NMNAT3: variants seen among roughly 807,000 people sequenced by gnomAD.
NMNAT3 encodes nicotinamide nucleotide adenylyltransferase 3, also known as nicotinamide/nicotinic acid mononucleotide adenylyltransferase 3.
In NMNAT3, 21 loss-of-function variants were observed where a neutral mutation model predicts 24.8. The ratio of observed to expected loss-of-function variants is 0.85; its 90% confidence interval spans 0.60 to 1.22. The LOEUF (loss-of-function observed/expected upper bound fraction) is 1.22. NMNAT3 is among the 50% of genes most tolerant of loss of function. NMNAT3 has a pLI of 0.00. For synonymous variants in NMNAT3, 136 were observed against 155.2 expected, an observed-to-expected ratio of 0.88 and a Z score of 0.92; for missense variants, 387 against 436.6, an observed-to-expected ratio of 0.89 and a Z score of 1.01.
intron 3 of NMNAT3, among the ~76,000 whole-genome samples, chr3:139,625,574 T>G (rs2056014918): frequency 6.6e-6 from 1 of 152,198 alleles, no homozygotes; most frequent in Non-Finnish European, 1.5e-5. Flanking sequence ...TTATGTATAC[T>G]TCCCTTTTAC....
At chr3:139,664,099 C>T (rs1415498666) in intron 1 of NMNAT3, among the ~76,000 whole-genome samples, 1 of 152,118 alleles carries the variant, frequency 6.6e-6, no homozygotes. Context: ...GTTGAGAGTT[C>T]CCAAACCAAG....
intron 3 of NMNAT3, among the ~76,000 whole-genome samples, chr3:139,585,603 A>G (rs1471178962): frequency 6.6e-6 from 1 of 152,210 alleles, no homozygotes; most frequent in East Asian, 1.9e-4. Context: ...TATTCCAGAG[A>G]CACTTCATAT....
At chr3:139,596,964 A>ATTT (rs3028156) in intron 3 of NMNAT3, among the ~76,000 whole-genome samples, 3 of 108,558 alleles carry the variant, frequency 2.8e-5, no homozygotes, top group East Asian at 2.4e-4. Context: ...ATATATATAT[A>ATTT]TTTTTATTAC....
chr3:139,675,163 C>CACACACACAA (rs1335255635), intron 1 of NMNAT3, among the ~76,000 whole-genome samples: 1 of 151,500 alleles, frequency 6.6e-6, no homozygotes, highest in Non-Finnish European at 1.5e-5. Context: ...CACACACACA[C>CACACACACAA]GTGCACATAT....
chr3:139,623,361 A>G (rs1250041092), intron 3 of NMNAT3, among the ~76,000 whole-genome samples: 1 of 152,184 alleles, frequency 6.6e-6, no homozygotes, highest in Admixed American at 6.5e-5. Context: ...ACATGCATGG[A>G]GCTGTCATCT....
At chr3:139,658,005 C>T (rs2057300217) in intron 1 of NMNAT3, among the ~76,000 whole-genome samples, 1 of 151,986 alleles carries the variant, frequency 6.6e-6, no homozygotes, top group South Asian at 2.1e-4. Context: ...AGTGCATGCC[C>T]CAGGAACCCC....
intron 3 of NMNAT3, among the ~76,000 whole-genome samples, chr3:139,595,536 C>T (rs2054410060): frequency 6.6e-6 from 1 of 152,224 alleles, no homozygotes; most frequent in Admixed American, 6.5e-5. Context: ...AATCTGGAGG[C>T]ATCATGCTAC....
Position 139,599,106 on chromosome 3 carries a change from T to C in NMNAT3, c.110-15898A>G, listed in dbSNP as rs1228910384. ...CACAAACCGTGAAGCAAAGACTTAA[T>C]AGCATTCCAAACTGTAAAGACTTCA... On this transcript the variant is annotated intron_variant, in intron 3 of 6. Transcript: ENST00000643695. 1.1e-5 allele frequency: 6 copies of C among 546,722 alleles called. No individual in the cohort carries two copies. The Admixed American group carries it at 2.1e-4, about 19-fold the overall frequency. The allele number at this position is 546,722 out of a possible 1,614,324, so 33.9% of individuals were successfully genotyped here.
At chr3:139,580,729 T>C (rs1176967891) in intron 4 of NMNAT3, among the ~76,000 whole-genome samples, 4 of 152,220 alleles carry the variant, frequency 2.6e-5, no homozygotes, top group African/African-American at 9.6e-5. Context: ...TTCTTCATTA[T>C]GATTTTGGCA....
At chr3:139,677,614 A>G (rs895058803) in intron 1 of NMNAT3, 91 bp downstream of exon 1, 1 of 152,182 alleles carries the variant, frequency 6.6e-6, no homozygotes, top group Non-Finnish European at 1.5e-5. Context: ...GACTCCCAGG[A>G]CTCAGTTAGG....
chr3:139,644,307 C>T (rs1470840183), intron 1 of NMNAT3, among the ~76,000 whole-genome samples: 1 of 152,128 alleles, frequency 6.6e-6, no homozygotes, highest in Non-Finnish European at 1.5e-5. Flanking sequence ...GACTGGCATG[C>T]ATCTGACCTC....
At chr3:139,663,563 C>T (rs867111824) in intron 1 of NMNAT3, among the ~76,000 whole-genome samples, 4 of 152,232 alleles carry the variant, frequency 2.6e-5, no homozygotes, top group African/African-American at 9.6e-5. Context: ...CCTAGCTCTG[C>T]TCCTGCTACT....
intron 3 of NMNAT3, among the ~76,000 whole-genome samples, chr3:139,608,808 G>A (rs1353630916): frequency 2.6e-5 from 4 of 152,002 alleles, no homozygotes; most frequent in African/African-American, 9.7e-5. Flanking sequence ...TGTAATCATC[G>A]CCACAGTCAA....
intron 3 of NMNAT3, among the ~76,000 whole-genome samples, chr3:139,604,345 C>T (rs1453996156): frequency 6.6e-6 from 1 of 152,166 alleles, no homozygotes; most frequent in Non-Finnish European, 1.5e-5. Flanking sequence ...ACTATATGCT[C>T]AAGTTTATGT....
intron 1 of NMNAT3, among the ~76,000 whole-genome samples, chr3:139,663,728 G>A (rs541941799): frequency 1.8e-4 from 27 of 152,084 alleles, no homozygotes; most frequent in Non-Finnish European, 3.1e-4. Flanking sequence ...CACATGACCC[G>A]AAGTCAGGAC....
At chr3:139,604,970 G>C (rs1243740726) in intron 3 of NMNAT3, among the ~76,000 whole-genome samples, 2 of 152,316 alleles carry the variant, frequency 1.3e-5, no homozygotes, top group East Asian at 3.9e-4. Flanking sequence ...ATGCCAGTAA[G>C]TATGCAATGA....
intron 3 of NMNAT3, among the ~76,000 whole-genome samples, chr3:139,590,649 A>C (rs1576589569): frequency 6.6e-6 from 1 of 152,136 alleles, no homozygotes; most frequent in South Asian, 2.1e-4. Context: ...TTATCTAATA[A>C]ATTTATAAAT....
rs575341012 is a variant in NMNAT3, at chr3:139,599,036, T to C, written c.110-15828A>G. 936 of 403,048 alleles carry C rather than the reference T, an allele frequency of 2.3e-3. 2 individuals carry two copies. The highest frequency in any genetic ancestry group is 2.5e-3 in the Non-Finnish European group (571 of 226,926). 25.0% of individuals were successfully genotyped at this position (403,048 alleles called of 1,614,324 possible). A position where few individuals can be genotyped will look rare whatever the true frequency, so the allele number is the denominator to read the frequency against. ...AGCTGACCATCCCCCTCAGCAAGAC[T>C]GGGCCTCAATAAAATGTTATTGCTG... On this transcript the variant is annotated intron_variant, in intron 3 of 6. Coordinates refer to ENST00000643695, the MANE Select transcript of NMNAT3 (RefSeq NM_001320510.2).
rs149293959 is a variant in NMNAT3 at position 139,564,372 on chromosome 3, T to A, written c.659-2980A>T. ...CTAAATTTACCATACAAGGCCACCT[T>A]GGAACATTCAGTATAAAACGGAAAC... is the stretch of plus-strand genomic sequence containing the variant. On this transcript the variant is annotated intron_variant, in intron 6 of 6. Transcript: ENST00000643695. Among the ~76,000 whole-genome samples, 206 of 152,264 alleles carry A rather than the reference T, an allele frequency of 1.4e-3. 1 individual carries two copies. Among genetic ancestry groups the A allele is most frequent in the African/African-American group, 4.6e-3 (190 of 41,570 alleles).
Sources: gnomAD v4.1 joint callset for allele counts (sites outside exome capture counted in the v4.1 genomes callset) on GRCh38, gnomAD v4.1.1 for gene constraint, MANE v1.5 for transcripts, NCBI Gene and HGNC (gene_info 2026-07-23, HGNC 2026-07-21) for gene names.